GLI3: variants seen among roughly 807,000 people sequenced by gnomAD.
The protein encoded by GLI3 is GLI family zinc finger 3.
A neutral mutation model predicts 100.8 loss-of-function variants in GLI3; 20 were observed. That is an observed-to-expected ratio of 0.20 (90% confidence interval 0.14 to 0.29). GLI3 has a LOEUF of 0.29. Among genes scored for constraint, GLI3 ranks in the 10% least tolerant of loss-of-function variants. The probability of loss-of-function intolerance (pLI) is 1.00; values close to 1 mark genes in which losing one functional copy is unlikely to be tolerated. For synonymous variants in GLI3, 938 were observed against 860.5 expected, an observed-to-expected ratio of 1.09 and a Z score of -1.58; for missense variants, 2,040 against 2,128.5, an observed-to-expected ratio of 0.96 and a Z score of 0.82.
intron 3 of GLI3, among the ~76,000 whole-genome samples, chr7:42,115,133 C>CTTTTTTTTT (rs56200386): frequency 3.0e-5 from 3 of 99,630 alleles, no homozygotes; most frequent in Admixed American, 2.5e-4. Context: ...AATTTTCCTA[C>CTTTTTTTTT]TTTTTTTTTT....
chr7:42,116,187 G>T (rs1254897121), intron 3 of GLI3, among the ~76,000 whole-genome samples: 1 of 152,112 alleles, frequency 6.6e-6, no homozygotes, highest in Non-Finnish European at 1.5e-5. Context: ...ATTCAAACGT[G>T]GAGAAGAGCA....
intron 10 of GLI3, among the ~76,000 whole-genome samples, chr7:42,015,009 T>G (rs537401148): frequency 1.3e-5 from 2 of 152,370 alleles, no homozygotes; most frequent in African/African-American, 4.8e-5. Flanking sequence ...CTATGGATTT[T>G]TCCTTATGTT....
At chr7:42,210,375 G>A (rs1175708633) in intron 2 of GLI3, among the ~76,000 whole-genome samples, 2 of 106,520 alleles carry the variant, frequency 1.9e-5, no homozygotes, top group Admixed American at 1.4e-4. Flanking sequence ...AAGGTACAAA[G>A]TTATGCTGGC....
chr7:42,151,983 T>C (rs1786878531), intron 2 of GLI3: 1 of 152,210 alleles, frequency 6.6e-6, no homozygotes, highest in African/African-American at 2.4e-5. Context: ...CGTTGCTGCA[T>C]GAAGCAGGAC....
In GLI3 at chr7:42,026,308, G is replaced by A; in HGVS notation, c.1133C>T (p.Pro378Leu). The change falls in exon 8 of 15, where the codon CCT (proline) becomes CTT (leucine). Residue 378 changes from proline to leucine, a missense_variant. Around this residue, in one of 5 missense-constraint regions of GLI3, gnomAD observed 603 missense variants for 690.9 expected, o/e 0.87. Coordinates refer to ENST00000395925, the MANE Select transcript of GLI3 (RefSeq NM_000168.6). ...AGTTGGGGCAGGGTGGATGAGTGGA[G>A]GGCTGTGTCCAAAGGCTGAACCTAA... is the stretch of plus-strand genomic sequence containing the variant. ...QSLGSAFGHS[P>L]PLIHPAPTFP... The A allele has an allele frequency of 6.2e-7, 1 of 1,614,084 alleles. No homozygotes were observed.
intron 2 of GLI3, among the ~76,000 whole-genome samples, chr7:42,201,507 C>T (rs937198201): frequency 2.0e-5 from 3 of 152,162 alleles, no homozygotes; most frequent in Admixed American, 6.5e-5. Context: ...GACACACTAG[C>T]GCAAAGAAAC....
intron 4 of GLI3, among the ~76,000 whole-genome samples, chr7:42,054,248 T>C (rs922961695): frequency 7.9e-5 from 12 of 152,364 alleles, no homozygotes; most frequent in Non-Finnish European, 1.8e-4. Flanking sequence ...TTGCAGAGAA[T>C]AACTGGACTT....
intron 10 of GLI3, among the ~76,000 whole-genome samples, chr7:42,008,353 A>T (rs957267562): frequency 1.3e-4 from 20 of 152,354 alleles, no homozygotes; most frequent in African/African-American, 4.6e-4. Context: ...CCCACAGGAC[A>T]GCCAACCACC....
intron 2 of GLI3, among the ~76,000 whole-genome samples, chr7:42,201,007 T>C (rs1375174797): frequency 6.6e-6 from 1 of 152,132 alleles, no homozygotes; most frequent in Non-Finnish European, 1.5e-5. Flanking sequence ...CCCCTTATCC[T>C]CCACAGATAC....
At position 41,964,603 on chromosome 7, in the gene GLI3, T is replaced by G. The variant is rs1277211817; in HGVS notation, c.4470A>C (p.Thr1490=). Residue 1490 remains threonine, a synonymous_variant, in exon 15 of 15, where the codon ACA becomes ACC. Coordinates refer to ENST00000395925, the MANE Select transcript of GLI3 (RefSeq NM_000168.6). ...GGTCATGGCTGTCGAGGCTGTCCAC[T>G]GTGCTTGTCACCTGATTAGCACCTG... ...LSPGANQVTS[T]VDSLDSHDLE... 2.5e-6 allele frequency: 4 copies of G among 1,614,130 alleles called. No individual in the cohort carries two copies. The highest frequency in any genetic ancestry group is 1.7e-5 in the Admixed American group (1 of 60,030).
At chr7:42,202,346 T>A (rs367551909) in intron 2 of GLI3, among the ~76,000 whole-genome samples, 9 of 115,318 alleles carry the variant, frequency 7.8e-5, no homozygotes, top group African/African-American at 2.3e-4. Context: ...TCTCTCTCTC[T>A]CACACACACA....
At chr7:42,114,350 T>C (rs1016189375) in intron 3 of GLI3, among the ~76,000 whole-genome samples, 1 of 152,220 alleles carries the variant, frequency 6.6e-6, no homozygotes, top group Non-Finnish European at 1.5e-5. Flanking sequence ...TGTTGTATAC[T>C]GTTAACGACT....
chr7:42,068,132 G>A (rs1784712686), intron 4 of GLI3, among the ~76,000 whole-genome samples: 2 of 152,236 alleles, frequency 1.3e-5, no homozygotes, highest in South Asian at 4.1e-4. Flanking sequence ...CTGCACACGT[G>A]TGTAGACACA....
chr7:42,244,036 G>T (rs998398475), intron 1 of GLI3, among the ~76,000 whole-genome samples: 1 of 152,162 alleles, frequency 6.6e-6, no homozygotes, highest in African/African-American at 2.4e-5. Flanking sequence ...GTTTTACCAT[G>T]TTGGCCAGGC....
At chr7:42,225,394 C>G (rs1202959246) in intron 1 of GLI3, among the ~76,000 whole-genome samples, 1 of 152,188 alleles carries the variant, frequency 6.6e-6, no homozygotes, top group East Asian at 1.9e-4. Flanking sequence ...GAGTCTCACT[C>G]TGTTGCCCAG....
chr7:42,241,499 G>A (rs1370972449), upstream of GLI3, among the ~76,000 whole-genome samples: 1 of 152,186 alleles, frequency 6.6e-6, no homozygotes, highest in Non-Finnish European at 1.5e-5. Flanking sequence ...GGAGTGCCTT[G>A]GGAAAGGAAA....
At chr7:42,087,356 A>G (rs868654249) in intron 3 of GLI3, among the ~76,000 whole-genome samples, 9 of 152,110 alleles carry the variant, frequency 5.9e-5, no homozygotes, top group Admixed American at 3.3e-4. Flanking sequence ...ATGCATGCAC[A>G]CCCTGGACCA....
chr7:42,187,776 C>T (rs1297852892), intron 2 of GLI3, among the ~76,000 whole-genome samples: 4 of 151,712 alleles, frequency 2.6e-5, no homozygotes, highest in South Asian at 2.1e-4. Context: ...AGGCCGAGAC[C>T]GGTGGATCAC....
intron 3 of GLI3, 87 bp downstream of exon 3, chr7:42,148,139 A>ACACG: frequency 6.5e-6 from 1 of 152,936 alleles, no homozygotes; most frequent in Non-Finnish European, 1.1e-5. Flanking sequence ...AAGCGCGCAC[A>ACACG]CACACACACA....
Sources: gnomAD v4.1 joint callset for allele counts (sites outside exome capture counted in the v4.1 genomes callset) on GRCh38, gnomAD v4.1.1 for gene constraint, gnomAD v4.1.1 regional missense constraint, MANE v1.5 for transcripts, NCBI Gene and HGNC (gene_info 2026-07-23, HGNC 2026-07-21) for gene names.